Variants in EMILIN2 observed in about 807,000 individuals in gnomAD.
The protein encoded by EMILIN2 is elastin microfibril interfacer 2.
A neutral mutation model predicts 87.1 loss-of-function variants in EMILIN2; 71 were observed. That is an observed-to-expected ratio of 0.82 (90% CI 0.67 to 0.99). The LOEUF (loss-of-function observed/expected upper bound fraction) is 0.99, where lower values mean the gene tolerates loss of function less well. Among genes scored for constraint, EMILIN2 ranks in the 50% least tolerant of loss-of-function variants. EMILIN2 has a pLI of 0.00. For missense variants in EMILIN2, 1,407 were observed against 1,371.8 expected (o/e 1.03, Z -0.40); for synonymous variants, 581 against 563.4 (o/e 1.03, Z -0.44).
chr18:2,847,683 G>C lies in EMILIN2; in HGVS notation c.135-126G>C. 7.1e-7 allele frequency: 1 copy of C among 1,415,046 alleles called. No homozygotes were observed. The highest frequency in any genetic ancestry group is 9.3e-7 in the Non-Finnish European group (1 of 1,076,020). The allele number at this position is 1,415,046 out of a possible 1,614,324, so 87.7% of individuals were successfully genotyped here. On this transcript the variant is annotated intron_variant, in intron 1 of 7. Transcript: ENST00000254528. The surrounding 1 kb of genome is among the most constrained non-coding windows in gnomAD (Gnocchi z 4.5). ...CCGGCGTCTGCTCGGTGAAGCTCCCGCCTCCGCAGAGGGCGACGGGCCCCC... is the reference window on the plus strand; with the variant it reads ...CCGGCGTCTGCTCGGTGAAGCTCCCCCCTCCGCAGAGGGCGACGGGCCCCC...
At chr18:2,874,410 A>G (rs642887) in intron 2 of EMILIN2, among the ~76,000 whole-genome samples, 129,160 of 152,082 alleles carry the variant, frequency 0.85, 54,988 homozygotes, top group East Asian at 0.91. Flanking sequence ...GTGTACCATC[A>G]TTTGCTGAAG....
intron 2 of EMILIN2, among the ~76,000 whole-genome samples, chr18:2,870,423 T>A (rs11878154): frequency 0.079 from 12,003 of 152,252 alleles, 1,564 homozygotes; most frequent in African/African-American, 0.27. Flanking sequence ...AATATTTTTG[T>A]TCAAAGCCTA....
chr18:2,884,829 C>A, intron 2 of EMILIN2, 135 bp from the exon 3 acceptor site: 1 of 891,450 alleles, frequency 1.1e-6, no homozygotes. Flanking sequence ...ACTGAGGAGA[C>A]CAACATCCCC....
chr18:2,854,566 G>A (rs2076617780), intron 2 of EMILIN2, among the ~76,000 whole-genome samples: 1 of 152,202 alleles, frequency 6.6e-6, no homozygotes, highest in African/African-American at 2.4e-5. Flanking sequence ...GCTGAGGCAA[G>A]AGGATCGCTT....
At chr18:2,861,442 T>C (rs2076660535) in intron 2 of EMILIN2, among the ~76,000 whole-genome samples, 1 of 152,246 alleles carries the variant, frequency 6.6e-6, no homozygotes. Context: ...GTTTCAGCTT[T>C]CTCCATATGG....
chr18:2,877,586 G>C (rs1400048979), intron 2 of EMILIN2, among the ~76,000 whole-genome samples: 1 of 151,946 alleles, frequency 6.6e-6, no homozygotes, highest in Admixed American at 6.6e-5. Flanking sequence ...AGACCAGCCT[G>C]ACCAACATGG....
intron 2 of EMILIN2, among the ~76,000 whole-genome samples, chr18:2,875,585 C>A (rs898993055): frequency 6.6e-6 from 1 of 152,210 alleles, no homozygotes; most frequent in African/African-American, 2.4e-5. Flanking sequence ...TCGTGGGATG[C>A]CCCACACTCA....
chr18:2,871,791 G>A (rs978107917), intron 2 of EMILIN2, among the ~76,000 whole-genome samples: 1 of 152,202 alleles, frequency 6.6e-6, no homozygotes, highest in African/African-American at 2.4e-5. Context: ...AACCCTTCAT[G>A]TGGGCAATGG....
intron 2 of EMILIN2, among the ~76,000 whole-genome samples, chr18:2,876,713 C>A (rs1460241400): frequency 3.3e-5 from 5 of 151,888 alleles, no homozygotes; most frequent in African/African-American, 1.2e-4. Context: ...TTGCAGTGAG[C>A]CAAGATAGTG....
chr18:2,906,145 T>C (rs2076910867), intron 4 of EMILIN2: 1 of 152,310 alleles, frequency 6.6e-6, no homozygotes, highest in African/African-American at 2.4e-5. Context: ...AGGGGCTTCC[T>C]GGAGGGCTCG....
intron 7 of EMILIN2, among the ~76,000 whole-genome samples, chr18:2,912,840 T>C (rs2076947648): frequency 6.6e-6 from 1 of 152,128 alleles, no homozygotes; most frequent in African/African-American, 2.4e-5. Context: ...CCAAGAGGCA[T>C]TCTTAGGCCC....
chr18:2,913,541 T>C lies in EMILIN2; in HGVS notation c.*137T>C. 2.9e-6 allele frequency: 2 copies of C among 684,618 alleles called. No homozygotes were observed. Among genetic ancestry groups the C allele is most frequent in the Non-Finnish European group, 4.8e-6 (2 of 418,784 alleles). The allele number at this position is 684,618 out of a possible 1,614,324, so 42.4% of individuals were successfully genotyped here. A position where few individuals can be genotyped will look rare whatever the true frequency, so the allele number is the denominator to read the frequency against. On this transcript the variant is annotated 3_prime_UTR_variant, in exon 8 of 8. Coordinates refer to ENST00000254528, the MANE Select transcript of EMILIN2 (RefSeq NM_032048.3). ...CCAACATAAAGGCCTTCCCTCGCTG[T>C]TGAGGCCACCATGCCTTACTGCATC...
chr18:2,883,360 C>A (rs551794364), intron 2 of EMILIN2, among the ~76,000 whole-genome samples: 23 of 152,302 alleles, frequency 1.5e-4, no homozygotes, highest in Non-Finnish European at 2.5e-4. Context: ...CCCGCCTCCC[C>A]CCATGGGCAG....
Position 2,894,724 on chromosome 18 carries a change from G to C in EMILIN2, c.2359+2238G>C. Among the ~76,000 whole-genome samples, 1 of 152,096 alleles carries C rather than the reference G, an allele frequency of 6.6e-6. No homozygotes were observed. Among genetic ancestry groups the C allele is most frequent in the Middle Eastern group, 3.2e-3 (1 of 316 alleles). ...GAGTGTAGACTGCATGGAGTTTTGAGAATTTCATTGATTGGAAAAGAGCCA... is the reference window on the plus strand; with the variant it reads ...GAGTGTAGACTGCATGGAGTTTTGACAATTTCATTGATTGGAAAAGAGCCA... On this transcript the variant is annotated intron_variant, in intron 4 of 7. Coordinates refer to ENST00000254528, the MANE Select transcript of EMILIN2 (RefSeq NM_032048.3). This position sits in a 1 kb window ranked among gnomAD's most constrained non-coding sequence, Gnocchi z 5.0.
chr18:2,850,459 G>A (rs970044520), intron 2 of EMILIN2, among the ~76,000 whole-genome samples: 1 of 151,864 alleles, frequency 6.6e-6, no homozygotes. Flanking sequence ...AGGCTGGGGT[G>A]CAGTGGCACC....
chr18:2,867,499 C>T (rs1320599920), intron 2 of EMILIN2, among the ~76,000 whole-genome samples: 1 of 152,120 alleles, frequency 6.6e-6, no homozygotes, highest in East Asian at 1.9e-4. Flanking sequence ...ACCCTGCGGC[C>T]TTCCGCAGTG....
chr18:2,900,375 G>T (rs2076883271), intron 4 of EMILIN2, among the ~76,000 whole-genome samples: 1 of 152,094 alleles, frequency 6.6e-6, no homozygotes, highest in Non-Finnish European at 1.5e-5. Context: ...TTTTTGTCGA[G>T]ACAGAGTCTG....
intron 2 of EMILIN2, among the ~76,000 whole-genome samples, chr18:2,871,107 G>A (rs1013047250): frequency 6.6e-6 from 1 of 152,108 alleles, no homozygotes; most frequent in African/African-American, 2.4e-5. Flanking sequence ...CCGGTACTGG[G>A]GGTTGGGACT....
In EMILIN2 at chr18:2,900,870, A is replaced by T. The variant is rs186856574; in HGVS notation, c.2360-5913A>T. On this transcript the variant is annotated intron_variant, in intron 4 of 7. Coordinates refer to ENST00000254528, the MANE Select transcript of EMILIN2 (RefSeq NM_032048.3). Reference sequence around the variant, plus strand: ...ATGTCAGCACTTTGATGCTTTTTTTAAAAAAAAGTCTGAAGTCTTGATCAG... The same window carrying T: ...ATGTCAGCACTTTGATGCTTTTTTTTAAAAAAAGTCTGAAGTCTTGATCAG... Among the ~76,000 whole-genome samples, 373 of 151,600 alleles carry T rather than the reference A, an allele frequency of 2.5e-3. 1 individual carries two copies. The highest frequency in any genetic ancestry group is 8.0e-3 in the African/African-American group (328 of 41,064).
Sources: gnomAD v4.1 joint callset for allele counts (sites outside exome capture counted in the v4.1 genomes callset) on GRCh38, gnomAD v4.1.1 for gene constraint, Gnocchi (gnomAD v3.1) non-coding constraint, MANE v1.5 for transcripts, NCBI Gene and HGNC (gene_info 2026-07-23, HGNC 2026-07-21) for gene names.